KIRREL3: variants seen among roughly 807,000 people sequenced by gnomAD.
KIRREL3 encodes the protein kirre like nephrin family adhesion molecule 3, also known as kin of IRRE-like protein 3.
A neutral mutation model predicts 89.7 loss-of-function variants in KIRREL3; 36 were observed. That is an observed-to-expected ratio of 0.40 (90% confidence interval 0.31 to 0.53). The LOEUF is 0.53. Among genes scored for constraint, KIRREL3 ranks in the 20% least tolerant of loss-of-function variants. The pLI is 0.49. For missense variants in KIRREL3, 864 were observed against 1,056.6 expected (o/e 0.82, Z 2.53); for synonymous variants, 445 against 441.4 (o/e 1.01, Z -0.10).
At chr11:126,595,911 A>G (rs1404389549) in intron 1 of KIRREL3, among the ~76,000 whole-genome samples, 3 of 152,200 alleles carry the variant, frequency 2.0e-5, no homozygotes, top group Non-Finnish European at 2.9e-5. Flanking sequence ...GTGTGTGTCT[A>G]TGGTCATAAA....
Position 126,744,683 on chromosome 11 carries a change from A to C in KIRREL3, c.56-181771T>G, listed in dbSNP as rs977683240. Among the ~76,000 whole-genome samples the C allele has an allele frequency of 6.6e-6, 1 of 152,216 alleles. No individual in the cohort carries two copies. Among genetic ancestry groups the C allele is most frequent in the South Asian group, 2.1e-4 (1 of 4,826 alleles). On this transcript the variant is annotated intron_variant, in intron 1 of 16. Transcript: ENST00000525144. The surrounding 1 kb of genome is among the most constrained non-coding windows in gnomAD (Gnocchi z 4.7). ...GCGTGTGCCCCATGGTGCTGGCAATAGTGTCTCGTGGAAACTAAGGACCCG... is the reference window on the plus strand; with the variant it reads ...GCGTGTGCCCCATGGTGCTGGCAATCGTGTCTCGTGGAAACTAAGGACCCG...
At chr11:126,926,897 G>GA (rs1947741696) in intron 1 of KIRREL3, among the ~76,000 whole-genome samples, 1 of 152,118 alleles carries the variant, frequency 6.6e-6, no homozygotes, top group South Asian at 2.1e-4. Flanking sequence ...AAAAGGAAGA[G>GA]AAAAAAATCA....
chr11:126,529,698 A>G (rs1958884837), intron 2 of KIRREL3, among the ~76,000 whole-genome samples: 1 of 151,612 alleles, frequency 6.6e-6, no homozygotes, highest in South Asian at 2.1e-4. Context: ...GGGGAAGATG[A>G]GTACACAGGA....
At position 126,896,160 on chromosome 11, in the gene KIRREL3, C is replaced by T. The variant is rs1241190577; in HGVS notation, c.55+104295G>A. ...AGCTTATAGCAAATAAAAAGCTGGA[C>T]CTGTTAAAGGCAAGGCCTTCATTAG... On this transcript the variant is annotated intron_variant, in intron 1 of 16. Transcript: ENST00000525144. This position sits in a 1 kb window ranked among gnomAD's most constrained non-coding sequence, Gnocchi z 4.1. Among the ~76,000 whole-genome samples the T allele has an allele frequency of 1.3e-5, 2 of 152,188 alleles. No individual in the cohort carries two copies. Among genetic ancestry groups the T allele is most frequent in the Non-Finnish European group, 2.9e-5 (2 of 68,044 alleles).
At chr11:126,691,056 C>G (rs1946860848) in intron 1 of KIRREL3, among the ~76,000 whole-genome samples, 1 of 152,194 alleles carries the variant, frequency 6.6e-6, no homozygotes, top group African/African-American at 2.4e-5. Flanking sequence ...TGTTCAACCT[C>G]ATTAATGATC....
intron 1 of KIRREL3, among the ~76,000 whole-genome samples, chr11:126,964,302 T>C (rs968944770): frequency 6.6e-6 from 1 of 152,176 alleles, no homozygotes; most frequent in Non-Finnish European, 1.5e-5. Context: ...TTGATTAGCA[T>C]GGTCAGATTG....
rs942788542 is a variant in KIRREL3 at position 126,636,752 on chromosome 11, A to T, written c.56-73840T>A. ...GCTAGGCCCTTTGTACCACCTCAGAACAGCAGGGGATGCAGCAATAATGCC... is the reference window on the plus strand; with the variant it reads ...GCTAGGCCCTTTGTACCACCTCAGATCAGCAGGGGATGCAGCAATAATGCC... On this transcript the variant is annotated intron_variant, in intron 1 of 16. Transcript: ENST00000525144. This position sits in a 1 kb window ranked among gnomAD's most constrained non-coding sequence, Gnocchi z 4.4. Among the ~76,000 whole-genome samples, 2 of 152,182 alleles carry T rather than the reference A, an allele frequency of 1.3e-5. No individual in the cohort carries two copies. The highest frequency in any genetic ancestry group is 4.8e-5 in the African/African-American group (2 of 41,450).
chr11:126,559,072 C>G (rs1273401359), intron 2 of KIRREL3, among the ~76,000 whole-genome samples: 1 of 152,042 alleles, frequency 6.6e-6, no homozygotes, highest in Non-Finnish European at 1.5e-5. Context: ...AGAAGGGAAA[C>G]TACCCCTGGG....
At chr11:126,962,613 C>T (rs2135185915) in intron 1 of KIRREL3, among the ~76,000 whole-genome samples, 1 of 152,224 alleles carries the variant, frequency 6.6e-6, no homozygotes, top group South Asian at 2.1e-4. Flanking sequence ...TTAGAATATC[C>T]AATAAGCTTA....
chr11:126,725,981 C>A (rs1434771155), intron 1 of KIRREL3, among the ~76,000 whole-genome samples: 1 of 152,188 alleles, frequency 6.6e-6, no homozygotes, highest in Non-Finnish European at 1.5e-5. Context: ...AGAGGAGATG[C>A]CCCATAAATA....
Position 126,615,051 on chromosome 11 carries a change from G to A in KIRREL3, c.56-52139C>T, listed in dbSNP as rs1352930772. Reference sequence around the variant, plus strand: ...GGCTGAAAGGCTGTCATGTGGAAGAGGGATTGGAGTGATTTGAGATGCTCT... The same window carrying A: ...GGCTGAAAGGCTGTCATGTGGAAGAAGGATTGGAGTGATTTGAGATGCTCT... On this transcript the variant is annotated intron_variant, in intron 1 of 16. Transcript: ENST00000525144. The surrounding 1 kb of genome is among the most constrained non-coding windows in gnomAD (Gnocchi z 5.4). Among the ~76,000 whole-genome samples the A allele has an allele frequency of 6.6e-6, 1 of 152,140 alleles. No homozygotes were observed. The highest frequency in any genetic ancestry group is 1.5e-5 in the Non-Finnish European group (1 of 68,024).
At chr11:126,847,906 G>C (rs1944203090) in intron 1 of KIRREL3, among the ~76,000 whole-genome samples, 2 of 152,106 alleles carry the variant, frequency 1.3e-5, no homozygotes, top group South Asian at 4.1e-4. Flanking sequence ...ATTTTCTTTT[G>C]TAACAGGACA....
At position 126,892,958 on chromosome 11, in the gene KIRREL3, G is replaced by A. The variant is rs1945984566; in HGVS notation, c.55+107497C>T. On this transcript the variant is annotated intron_variant, in intron 1 of 16. Coordinates refer to ENST00000525144, the MANE Select transcript of KIRREL3 (RefSeq NM_032531.4). This position sits in a 1 kb window ranked among gnomAD's most constrained non-coding sequence, Gnocchi z 5.4. ...ATAGGGCTGAGTATTCTAATTGCCT[G>A]TGGGATAGGATTTCACTATATCCCT... is the stretch of plus-strand genomic sequence containing the variant. 6.6e-6 allele frequency among the ~76,000 whole-genome samples: 1 copy of A among 152,192 alleles called. No homozygotes were observed. The highest frequency in any genetic ancestry group is 1.5e-5 in the Non-Finnish European group (1 of 68,048).
At chr11:126,448,964 AG>A in intron 8 of KIRREL3, 44 bp downstream of exon 8, 1 of 1,555,938 alleles carries the variant, frequency 6.4e-7, no homozygotes, top group Non-Finnish European at 8.7e-7. Flanking sequence ...AGCAGAAACC[AG>A]TGGATGCCTG....
intron 1 of KIRREL3, among the ~76,000 whole-genome samples, chr11:126,707,598 A>C (rs1947583658): frequency 6.6e-6 from 1 of 152,144 alleles, no homozygotes; most frequent in African/African-American, 2.4e-5. Context: ...TCCAGTCTGC[A>C]TTTCCTCTGA....
At chr11:126,629,975 T>C (rs1383801858) in intron 1 of KIRREL3, among the ~76,000 whole-genome samples, 1 of 152,208 alleles carries the variant, frequency 6.6e-6, no homozygotes, top group Non-Finnish European at 1.5e-5. Flanking sequence ...GTGTATTGTC[T>C]GTTTTCTGCC....
At chr11:126,619,874 A>G (rs545855561) in intron 1 of KIRREL3, among the ~76,000 whole-genome samples, 1 of 152,306 alleles carries the variant, frequency 6.6e-6, no homozygotes, top group East Asian at 1.9e-4. Flanking sequence ...CCAATCAAGG[A>G]ACTGACCCAG....
At chr11:126,992,728 C>T (rs986680014) in intron 1 of KIRREL3, among the ~76,000 whole-genome samples, 1 of 152,204 alleles carries the variant, frequency 6.6e-6, no homozygotes, top group Non-Finnish European at 1.5e-5. Context: ...TTTGTGCTCA[C>T]CTGCTCCAGT....
At chr11:126,693,891 A>G (rs1176730754) in intron 1 of KIRREL3, among the ~76,000 whole-genome samples, 2 of 152,206 alleles carry the variant, frequency 1.3e-5, no homozygotes, top group African/African-American at 4.8e-5. Context: ...CTTCGGGCTC[A>G]GCCTCCTAGT....
Sources: allele counts gnomAD v4.1 joint callset (sites outside exome capture counted in the v4.1 genomes callset), GRCh38; gene constraint gnomAD v4.1.1; non-coding constraint Gnocchi (gnomAD v3.1); transcripts MANE v1.5; gene names NCBI Gene and HGNC (gene_info 2026-07-23, HGNC 2026-07-21).